Variants in FLNB observed in about 807,000 individuals in gnomAD.
The protein encoded by FLNB is filamin B, also known as filamin-B.
A neutral mutation model predicts 250.6 loss-of-function variants in FLNB; 111 were observed. The ratio of observed to expected loss-of-function variants is 0.44; its 90% confidence interval spans 0.38 to 0.52. The LOEUF is 0.52. Among genes scored for constraint, FLNB ranks in the 20% least tolerant of loss-of-function variants. FLNB has a pLI of 0.00. For synonymous variants in FLNB, 1,302 were observed against 1,372.1 expected (o/e 0.95, Z 1.13); for missense variants, 2,869 against 3,447.8 (o/e 0.83, Z 4.20).
At chr3:58,150,500 T>C (rs985072510) in intron 38 of FLNB, 4 of 494,596 alleles carry the variant, frequency 8.1e-6, no homozygotes, top group Non-Finnish European at 1.5e-5. Context: ...GATATGCTTT[T>C]AGATTTTTAG....
chr3:58,054,412 C>A (rs963596625), intron 1 of FLNB, among the ~76,000 whole-genome samples: 2 of 152,086 alleles, frequency 1.3e-5, no homozygotes, highest in African/African-American at 2.4e-5. Context: ...TGTATTAGTC[C>A]GTTCTCAACA....
intron 15 of FLNB, 45 bp from the exon 16 acceptor site, chr3:58,109,965 A>C: frequency 6.2e-7 from 1 of 1,611,338 alleles, no homozygotes. Context: ...TGCACAGGAC[A>C]TGCTGTTTCT....
intron 1 of FLNB, among the ~76,000 whole-genome samples, chr3:58,074,732 T>C (rs2097199334): frequency 6.6e-6 from 1 of 152,176 alleles, no homozygotes; most frequent in Non-Finnish European, 1.5e-5. Context: ...GAACCCTGTA[T>C]TTTCATTTTT....
intron 1 of FLNB, among the ~76,000 whole-genome samples, chr3:58,046,297 A>G (rs1160665389): frequency 6.6e-6 from 1 of 152,140 alleles, no homozygotes; most frequent in Non-Finnish European, 1.5e-5. Context: ...CTTGCAGGCT[A>G]GAGGAATTTA....
In FLNB at chr3:58,168,664, G is replaced by C. The variant is rs781513253; in HGVS notation, c.7417+6G>C. 4 of 1,604,018 alleles carry C rather than the reference G, an allele frequency of 2.5e-6. No homozygotes were observed. The Admixed American group carries it at 6.7e-5, about 27-fold the overall frequency. On this transcript the variant is annotated splice_donor_region_variant and intron_variant, in intron 44 of 45. Coordinates refer to ENST00000295956, the MANE Select transcript of FLNB (RefSeq NM_001457.4). ...CTTCAAGGCCAAGGTGACAGGTAAC[G>C]AACAACCACCTTCGGAGTTACTCTC... is the stretch of plus-strand genomic sequence containing the variant.
At chr3:58,042,893 A>G (rs1291904711) in intron 1 of FLNB, among the ~76,000 whole-genome samples, 1 of 152,018 alleles carries the variant, frequency 6.6e-6, no homozygotes, top group Non-Finnish European at 1.5e-5. Context: ...TCTACTGGGA[A>G]TGTTTGTTTG....
chr3:58,107,684 C>T (rs1192017976), intron 12 of FLNB, among the ~76,000 whole-genome samples: 1 of 152,176 alleles, frequency 6.6e-6, no homozygotes, highest in African/African-American at 2.4e-5. Context: ...CCAAGAGTGT[C>T]CTCTCAAACC....
At chr3:58,159,304 A>G (rs1396446655) in intron 41 of FLNB, among the ~76,000 whole-genome samples, 1 of 152,222 alleles carries the variant, frequency 6.6e-6, no homozygotes, top group Non-Finnish European at 1.5e-5. Flanking sequence ...GGATGTCTCA[A>G]GTATCCAAGC....
chr3:58,154,997 A>C, intron 40 of FLNB, 69 bp downstream of exon 40: 1 of 1,525,564 alleles, frequency 6.6e-7, no homozygotes, highest in South Asian at 1.1e-5. Context: ...AGGAACAGAA[A>C]TCCATCAAGT....
Position 58,149,888 on chromosome 3 carries a change from A to G in FLNB, c.6130A>G (p.Lys2044Glu). ...GISLAVEGPS[K>E]VDIQTEDLED... The stretch of plus-strand genomic sequence containing the variant: ...ATCCTTGGCGGTGGAAGGCCCCAGC[A>G]AAGTGGACATCCAGACGGAGGACCT... Residue 2044 changes from lysine (K) to glutamate (E), a missense_variant, in exon 37 of 46, where the codon AAA (lysine) becomes GAA (glutamate). Physicochemically the swap from Lys to Glu is moderately conservative, Grantham distance 56. Transcript: ENST00000295956. 2 of 1,614,244 alleles carry G rather than the reference A, an allele frequency of 1.2e-6. No homozygotes were observed. Among genetic ancestry groups the G allele is most frequent in the East Asian group, 4.5e-5 (2 of 44,884 alleles).
At chr3:58,052,790 C>A (rs556225531) in intron 1 of FLNB, among the ~76,000 whole-genome samples, 1 of 152,148 alleles carries the variant, frequency 6.6e-6, no homozygotes, top group Non-Finnish European at 1.5e-5. Flanking sequence ...GCTCAGAGGA[C>A]GTTAGGGAGC....
At chr3:58,108,400 A>G in intron 12 of FLNB, 58 bp from the exon 13 acceptor site, 2 of 1,104,080 alleles carry the variant, frequency 1.8e-6, no homozygotes, top group Admixed American at 1.8e-5. Context: ...CTGTCTTTGT[A>G]TAAGGGTTTA....
intron 5 of FLNB, 24 bp from the exon 6 acceptor site, chr3:58,096,117 A>T: frequency 1.9e-6 from 3 of 1,595,084 alleles, no homozygotes; most frequent in Non-Finnish European, 2.6e-6. Context: ...ACCTTTTCTA[A>T]CTGTTGCCCA....
At chr3:58,058,095 G>A (rs1186307966) in intron 1 of FLNB, among the ~76,000 whole-genome samples, 1 of 152,198 alleles carries the variant, frequency 6.6e-6, no homozygotes, top group Non-Finnish European at 1.5e-5. Flanking sequence ...GGCCAGTTGA[G>A]TGGATTTTTT....
In FLNB at chr3:58,112,521, T is replaced by C. The variant is rs74562361; in HGVS notation, c.2745+203T>C. Among the ~76,000 whole-genome samples the C allele has an allele frequency of 0.023, 3,479 of 152,342 alleles. 59 individuals are homozygous for C. The highest frequency in any genetic ancestry group is 0.041 in the South Asian group (196 of 4,830). ...GGGTTCTATCAGGTGAACTGCAGAA[T>C]TCCCCAAAAGCAAGCAGGAAGCTGG... On this transcript the variant is annotated intron_variant, in intron 18 of 45. Coordinates refer to ENST00000295956, the MANE Select transcript of FLNB (RefSeq NM_001457.4).
Position 58,077,309 on chromosome 3 carries a change from C to T in FLNB, c.541+15C>T, listed in dbSNP as rs770019318. The T allele has an allele frequency of 3.7e-5, 59 of 1,613,382 alleles. No individual in the cohort carries two copies. Among genetic ancestry groups the T allele is most frequent in the Middle Eastern group, 3.3e-4 (2 of 6,060 alleles). ...CTGTGCTCCAGGTAAGTGGCCAGGG[C>T]TGCCTAAACCATCTGTCCAGGATGG... On this transcript the variant is annotated intron_variant, in intron 2 of 45. Coordinates refer to ENST00000295956, the MANE Select transcript of FLNB (RefSeq NM_001457.4).
intron 24 of FLNB, among the ~76,000 whole-genome samples, chr3:58,128,679 G>A (rs1047806940): frequency 6.6e-6 from 1 of 152,200 alleles, no homozygotes; most frequent in Non-Finnish European, 1.5e-5. Flanking sequence ...CAACAGTGGA[G>A]ATGAACATCT....
At chr3:58,105,834 G>C (rs11714241) in intron 11 of FLNB, among the ~76,000 whole-genome samples, 4 of 152,188 alleles carry the variant, frequency 2.6e-5, no homozygotes, top group Admixed American at 6.5e-5. Flanking sequence ...CCTTCAGACT[G>C]TCGTTTAGCA....
intron 19 of FLNB, among the ~76,000 whole-genome samples, chr3:58,121,036 T>C (rs1051328054): frequency 2.6e-5 from 4 of 152,236 alleles, no homozygotes; most frequent in African/African-American, 9.6e-5. Context: ...CACTAATTGA[T>C]TATTGTGCCG....
Sources: gnomAD v4.1 joint callset for allele counts (sites outside exome capture counted in the v4.1 genomes callset) on GRCh38, gnomAD v4.1.1 for gene constraint, MANE v1.5 for transcripts, NCBI Gene and HGNC (gene_info 2026-07-23, HGNC 2026-07-21) for gene names.